CYSTM1: variants seen among roughly 807,000 people sequenced by gnomAD.
CYSTM1 encodes the protein cysteine-rich transmembrane module-containing protein 1.
CYSTM1 carries 4 observed loss-of-function variants against 13.1 expected under a neutral mutation model. That is an observed-to-expected ratio of 0.31 (90% CI 0.15 to 0.70). The LOEUF (loss-of-function observed/expected upper bound fraction) is 0.70. Ranked by LOEUF, CYSTM1 falls within the 30% of genes least tolerant of loss-of-function variation. The probability of loss-of-function intolerance (pLI) is 0.72; values close to 1 mark genes in which losing one functional copy is unlikely to be tolerated. For synonymous variants in CYSTM1, 36 were observed against 42.7 expected, an observed-to-expected ratio of 0.84 and a Z score of 0.62; for missense variants, 96 against 121.6, an observed-to-expected ratio of 0.79 and a Z score of 0.99.
Position 140,175,352 on chromosome 5 carries a change from C to T in CYSTM1, c.-21+67C>T. 6.6e-6 allele frequency: 1 copy of T among 152,648 alleles called. No individual in the cohort carries two copies. Among genetic ancestry groups the T allele is most frequent in the Non-Finnish European group, 1.5e-5 (1 of 68,326 alleles). The allele number at this position is 152,648 out of a possible 1,614,324, so 9.5% of individuals were successfully genotyped here. A position where few individuals can be genotyped will look rare whatever the true frequency, so the allele number is the denominator to read the frequency against. On this transcript the variant is annotated intron_variant, in intron 1 of 2. Transcript: ENST00000261811. The surrounding 1 kb of genome is among the most constrained non-coding windows in gnomAD (Gnocchi z 4.9). Reference sequence around the variant, plus strand: ...GCGGGGATCAGGCACGGACAGGGCGCGTCCCCGGGCTCCCTGGGGAGCGCC... The same window carrying T: ...GCGGGGATCAGGCACGGACAGGGCGTGTCCCCGGGCTCCCTGGGGAGCGCC...
chr5:140,241,812 G>A (rs12188839), intron 2 of CYSTM1, among the ~76,000 whole-genome samples: 35,086 of 152,116 alleles, frequency 0.23, 4,083 homozygotes, highest in African/African-American at 0.25. Flanking sequence ...CTGGCTGGAT[G>A]TGAGAGATGA....
intron 2 of CYSTM1, among the ~76,000 whole-genome samples, chr5:140,221,527 A>G (rs1207608785): frequency 1.3e-5 from 2 of 152,252 alleles, no homozygotes; most frequent in Non-Finnish European, 2.9e-5. Flanking sequence ...AGATTCATCC[A>G]TGCTGTAGCG....
chr5:140,189,530 T>G (rs1012084085), intron 1 of CYSTM1, among the ~76,000 whole-genome samples: 1 of 152,350 alleles, frequency 6.6e-6, no homozygotes, highest in Non-Finnish European at 1.5e-5. Flanking sequence ...CAAAACAGAC[T>G]AAGTAGAGTA....
chr5:140,229,057 C>T lies in CYSTM1; in HGVS notation c.188-14248C>T, dbSNP rs553019323. The T allele has an allele frequency of 2.9e-5, 11 of 372,886 alleles. No individual in the cohort carries two copies. The East Asian group carries it at 3.9e-4, about 13-fold the overall frequency. 23.1% of individuals were successfully genotyped at this position (372,886 alleles called of 1,614,324 possible). ...ACATATAAGTTTTGGGCAGTTTGTA[C>T]ATATCTTGTGAATTGATTATACATA... On this transcript the variant is annotated intron_variant, in intron 2 of 2. Coordinates refer to ENST00000261811, the MANE Select transcript of CYSTM1 (RefSeq NM_032412.4).
At chr5:140,225,601 T>C (rs1422286830) in intron 2 of CYSTM1, among the ~76,000 whole-genome samples, 1 of 152,266 alleles carries the variant, frequency 6.6e-6, no homozygotes, top group Non-Finnish European at 1.5e-5. Context: ...CTAGTCATAC[T>C]TCCCAAAGAT....
At chr5:140,178,875 T>C (rs1763924981) in intron 1 of CYSTM1, among the ~76,000 whole-genome samples, 1 of 151,354 alleles carries the variant, frequency 6.6e-6, no homozygotes, top group Admixed American at 6.6e-5. Flanking sequence ...GTGCTGGGAT[T>C]ACAGGCATGA....
chr5:140,212,118 G>A (rs943069689), intron 2 of CYSTM1, among the ~76,000 whole-genome samples: 2 of 152,236 alleles, frequency 1.3e-5, no homozygotes, highest in Admixed American at 1.3e-4. Context: ...AGATTCAGAG[G>A]GATGACATAA....
chr5:140,232,206 A>C (rs1764625644), intron 2 of CYSTM1, among the ~76,000 whole-genome samples: 1 of 152,208 alleles, frequency 6.6e-6, no homozygotes, highest in Non-Finnish European at 1.5e-5. Flanking sequence ...AGAGAGAACA[A>C]ACTGAGTTAG....
intron 1 of CYSTM1, among the ~76,000 whole-genome samples, chr5:140,192,750 A>G (rs1764107978): frequency 6.6e-6 from 1 of 152,194 alleles, no homozygotes; most frequent in Non-Finnish European, 1.5e-5. Flanking sequence ...TGCCATTTGC[A>G]TCTGGGTAAA....
chr5:140,182,934 C>G (rs963497337), intron 1 of CYSTM1, among the ~76,000 whole-genome samples: 1 of 152,314 alleles, frequency 6.6e-6, no homozygotes, highest in Non-Finnish European at 1.5e-5. Context: ...GCAGTGCTGA[C>G]TGAGCTGCTG....
chr5:140,181,697 G>C (rs1285312317), intron 1 of CYSTM1, among the ~76,000 whole-genome samples: 1 of 152,114 alleles, frequency 6.6e-6, no homozygotes, highest in East Asian at 1.9e-4. Flanking sequence ...ATGTTGCCCA[G>C]GCTGGTCTCA....
chr5:140,238,463 G>A (rs113254372), intron 2 of CYSTM1, among the ~76,000 whole-genome samples: 21 of 152,232 alleles, frequency 1.4e-4, no homozygotes, highest in African/African-American at 3.6e-4. Context: ...GTCATCCTTC[G>A]CCCTATCACT....
At chr5:140,204,550 C>CA (rs937780191) in intron 2 of CYSTM1, among the ~76,000 whole-genome samples, 14 of 151,638 alleles carry the variant, frequency 9.2e-5, no homozygotes, top group Admixed American at 3.9e-4. Context: ...AAAAACAAAA[C>CA]AAAAAACCAC....
At position 140,230,152 on chromosome 5, in the gene CYSTM1, G is replaced by A. The variant is rs755397599; in HGVS notation, c.188-13153G>A. 3.3e-5 allele frequency among the ~76,000 whole-genome samples: 5 copies of A among 152,222 alleles called. No homozygotes were observed. Among genetic ancestry groups the A allele is most frequent in the Non-Finnish European group, 7.3e-5 (5 of 68,044 alleles). On this transcript the variant is annotated intron_variant, in intron 2 of 2. Coordinates refer to ENST00000261811, the MANE Select transcript of CYSTM1 (RefSeq NM_032412.4). The surrounding 1 kb of genome is among the most constrained non-coding windows in gnomAD (Gnocchi z 4.1). The stretch of plus-strand genomic sequence containing the variant: ...CTCCCAAAGTGCTGGGATTACAGGC[G>A]TAAGCCACCGCGCACCTGGCCCTGA...
intron 2 of CYSTM1, among the ~76,000 whole-genome samples, chr5:140,208,828 A>C (rs1262328316): frequency 6.6e-6 from 1 of 152,164 alleles, no homozygotes; most frequent in African/African-American, 2.4e-5. Context: ...TCACGAGGTC[A>C]GGAGATTGAG....
rs74421122 is a variant in CYSTM1, at chr5:140,199,212, G to A, written c.187+4560G>A. Among the ~76,000 whole-genome samples the A allele has an allele frequency of 1.6e-3, 246 of 152,260 alleles. 1 individual carries two copies. The highest frequency in any genetic ancestry group is 5.8e-3 in the African/African-American group (242 of 41,538). On this transcript the variant is annotated intron_variant, in intron 2 of 2. Coordinates refer to ENST00000261811, the MANE Select transcript of CYSTM1 (RefSeq NM_032412.4). The stretch of plus-strand genomic sequence containing the variant: ...TTCTTTATCCAGTCTATCATTGATG[G>A]GCATTTGGGTTGGTTCCAAGTTTTT...
At chr5:140,192,640 C>T (rs1764107077) in intron 1 of CYSTM1, among the ~76,000 whole-genome samples, 1 of 152,116 alleles carries the variant, frequency 6.6e-6, no homozygotes, top group African/African-American at 2.4e-5. Flanking sequence ...TTGTGTATAC[C>T]TTTGTACAGG....
intron 2 of CYSTM1, among the ~76,000 whole-genome samples, chr5:140,232,009 G>A (rs1052560544): frequency 2.0e-5 from 3 of 152,196 alleles, no homozygotes; most frequent in African/African-American, 7.2e-5. Context: ...GGTGATTATG[G>A]AGAGAAATGA....
chr5:140,210,208 A>G (rs1056990791), intron 2 of CYSTM1, among the ~76,000 whole-genome samples: 2 of 152,168 alleles, frequency 1.3e-5, no homozygotes, highest in African/African-American at 2.4e-5. Context: ...TGTAGATACC[A>G]TTGTGTATTT....
Sources: allele counts gnomAD v4.1 joint callset (sites outside exome capture counted in the v4.1 genomes callset), GRCh38; gene constraint gnomAD v4.1.1; non-coding constraint Gnocchi (gnomAD v3.1); transcripts MANE v1.5; gene names NCBI Gene and HGNC (gene_info 2026-07-23, HGNC 2026-07-21).